Variants in MMP16 observed in about 807,000 individuals in gnomAD.
The protein encoded by MMP16 is matrix metallopeptidase 16, also known as matrix metalloproteinase-16.
Under a neutral mutation model 67.8 loss-of-function variants are expected in MMP16, and 12 were observed. The ratio of observed to expected loss-of-function variants is 0.18; its 90% CI spans 0.11 to 0.29. The LOEUF is 0.29. Ranked by LOEUF, MMP16 falls within the 10% of genes least tolerant of loss-of-function variation. The pLI is 1.00. For synonymous variants in MMP16, 249 were observed against 255.9 expected (o/e 0.97, Z 0.26); for missense variants, 475 against 765.7 (o/e 0.62, Z 4.48).
At chr8:88,049,330 TA>T (rs1808240635) in intron 8 of MMP16, among the ~76,000 whole-genome samples, 1 of 152,270 alleles carries the variant, frequency 6.6e-6, no homozygotes, top group African/African-American at 2.4e-5. Flanking sequence ...ATATTTAAAT[TA>T]AACATCATTT....
intron 3 of MMP16, among the ~76,000 whole-genome samples, chr8:88,182,516 C>G (rs138028860): frequency 1.2e-4 from 18 of 152,206 alleles, no homozygotes; most frequent in Admixed American, 1.2e-3. Context: ...ATCACTAACT[C>G]TTATTAGAAT....
At chr8:88,149,004 G>A (rs893839715) in intron 4 of MMP16, among the ~76,000 whole-genome samples, 28 of 152,312 alleles carry the variant, frequency 1.8e-4, no homozygotes, top group Admixed American at 1.3e-3. Context: ...GTGGGTGCGC[G>A]CACCGGGCGC....
At chr8:88,237,145 C>A (rs781172546) in intron 1 of MMP16, among the ~76,000 whole-genome samples, 1 of 152,164 alleles carries the variant, frequency 6.6e-6, no homozygotes, top group Admixed American at 6.5e-5. Context: ...ATCACCCCTG[C>A]ACTGATAAGA....
chr8:88,079,068 C>A (rs565501949), intron 6 of MMP16, among the ~76,000 whole-genome samples: 1 of 152,286 alleles, frequency 6.6e-6, no homozygotes, highest in Non-Finnish European at 1.5e-5. Flanking sequence ...GGACTCCTGC[C>A]TCCAGCTCCT....
At chr8:88,071,328 C>G (rs1808549977) in intron 7 of MMP16, among the ~76,000 whole-genome samples, 1 of 151,692 alleles carries the variant, frequency 6.6e-6, no homozygotes, top group Non-Finnish European at 1.5e-5. Context: ...AAAATGAAAA[C>G]AAGGTTAATA....
chr8:88,244,623 A>G (rs1810082603), intron 1 of MMP16, among the ~76,000 whole-genome samples: 1 of 152,158 alleles, frequency 6.6e-6, no homozygotes, highest in Non-Finnish European at 1.5e-5. Context: ...TATCCTATAC[A>G]TTATGAAAAA....
At chr8:88,043,476 T>C (rs1036128510) in intron 9 of MMP16, among the ~76,000 whole-genome samples, 1 of 152,148 alleles carries the variant, frequency 6.6e-6, no homozygotes, top group African/African-American at 2.4e-5. Context: ...AGAGACAGGG[T>C]TTCTCCATGT....
At chr8:88,090,394 A>C (rs1392807423) in intron 6 of MMP16, among the ~76,000 whole-genome samples, 1 of 152,072 alleles carries the variant, frequency 6.6e-6, no homozygotes, top group African/African-American at 2.4e-5. Context: ...TAATTTTATA[A>C]TTATTCTTCC....
rs770460307 is a variant in MMP16, at chr8:88,189,305, C to T, written c.282-2707G>A. Among the ~76,000 whole-genome samples the T allele has an allele frequency of 2.0e-4, 30 of 152,150 alleles. 1 individual carries two copies. The highest frequency in any genetic ancestry group is 2.6e-4 in the Non-Finnish European group (18 of 68,028). On this transcript the variant is annotated intron_variant, in intron 2 of 9. Transcript: ENST00000286614. ...CCATCTAGATATCCTGTCATCAGCT[C>T]TAATGTTATATGTAATACAAAGAAA...
intron 1 of MMP16, among the ~76,000 whole-genome samples, chr8:88,322,111 T>A (rs1811469010): frequency 6.6e-6 from 1 of 152,202 alleles, no homozygotes; most frequent in African/African-American, 2.4e-5. Flanking sequence ...AGTTTCTTAT[T>A]GAATCCTACC....
intron 4 of MMP16, among the ~76,000 whole-genome samples, chr8:88,121,071 G>GTT (rs397974015): frequency 0.01 from 1,421 of 137,856 alleles, 12 homozygotes; most frequent in Middle Eastern, 0.047. Context: ...CTTGCTCTCA[G>GTT]TTTTTTTTTT....
chr8:88,114,883 G>A (rs140841882), intron 6 of MMP16, among the ~76,000 whole-genome samples: 156 of 152,018 alleles, frequency 1.0e-3, no homozygotes, highest in African/African-American at 3.6e-3. Context: ...CTACTTGAGA[G>A]TCTGATCCAT....
chr8:88,207,094 G>C (rs1203469410), intron 1 of MMP16, among the ~76,000 whole-genome samples: 2 of 152,064 alleles, frequency 1.3e-5, no homozygotes, highest in Admixed American at 6.5e-5. Context: ...TGTCATGAAT[G>C]TATAAAACAT....
rs560639442 is a variant in MMP16, at chr8:88,037,783, C to A, written c.*3678G>T. ...AGAACAACAATATTTTACTAAAATT[C>A]TTAACTATATGGTCATTTTACATGA... On this transcript the variant is annotated 3_prime_UTR_variant, in exon 10 of 10. Coordinates refer to ENST00000286614, the MANE Select transcript of MMP16 (RefSeq NM_005941.5). 18 of 152,008 alleles carry A rather than the reference C, an allele frequency of 1.2e-4. No homozygotes were observed. The highest frequency in any genetic ancestry group is 4.1e-4 in the African/African-American group (17 of 41,522). 9.4% of individuals were successfully genotyped at this position (152,008 alleles called of 1,614,324 possible). A position where few individuals can be genotyped will look rare whatever the true frequency, so the allele number is the denominator to read the frequency against.
chr8:88,203,783 G>A (rs1291071802), intron 1 of MMP16, among the ~76,000 whole-genome samples: 1 of 152,180 alleles, frequency 6.6e-6, no homozygotes, highest in Admixed American at 6.5e-5. Context: ...CTTATAAGTT[G>A]TCAAACTTAA....
intron 1 of MMP16, among the ~76,000 whole-genome samples, chr8:88,264,019 C>T (rs976214628): frequency 7.5e-6 from 1 of 132,774 alleles, no homozygotes; most frequent in Non-Finnish European, 1.6e-5. Context: ...TGCAACTTCC[C>T]TACAAAAATG....
At chr8:88,275,542 G>C (rs1276464464) in intron 1 of MMP16, among the ~76,000 whole-genome samples, 3 of 151,502 alleles carry the variant, frequency 2.0e-5, no homozygotes, top group Admixed American at 2.0e-4. Flanking sequence ...CTACATCATG[G>C]GGTGGCCTGT....
intron 6 of MMP16, among the ~76,000 whole-genome samples, chr8:88,097,311 C>T (rs928604955): frequency 1.3e-5 from 2 of 151,770 alleles, no homozygotes; most frequent in Non-Finnish European, 2.9e-5. Context: ...CAGATTCATG[C>T]TGCTTAAACA....
chr8:88,240,949 T>C (rs1394952322), intron 1 of MMP16, among the ~76,000 whole-genome samples: 3 of 152,232 alleles, frequency 2.0e-5, no homozygotes, highest in African/African-American at 4.8e-5. Flanking sequence ...TAATTTATGA[T>C]ATAATCTTCA....
Sources: gnomAD v4.1 joint callset for allele counts (sites outside exome capture counted in the v4.1 genomes callset) on GRCh38, gnomAD v4.1.1 for gene constraint, MANE v1.5 for transcripts, NCBI Gene and HGNC (gene_info 2026-07-23, HGNC 2026-07-21) for gene names.